The following GXYLT2 variants were observed in gnomAD, a reference collection of about 807,000 sequenced individuals.
The protein encoded by GXYLT2 is glycosyltransferase 8 domain containing 4.
GXYLT2 carries 53 observed loss-of-function variants against 45.8 expected under a neutral mutation model. The observed-to-expected ratio is 1.16, with a 90% CI of 0.93 to 1.46. The LOEUF is 1.46. GXYLT2 is among the 40% of genes most tolerant of loss of function. The pLI, the probability that GXYLT2 is intolerant of heterozygous loss-of-function variation, is 0.00. For synonymous variants in GXYLT2, 219 were observed against 214.2 expected, an observed-to-expected ratio of 1.02 and a Z score of -0.19; for missense variants, 551 against 544.4, an observed-to-expected ratio of 1.01 and a Z score of -0.12.
At position 72,888,527 on chromosome 3, in the gene GXYLT2, A is replaced by G. The variant is rs930470254; in HGVS notation, c.275+19A>G. 20 of 1,206,966 alleles carry G rather than the reference A, an allele frequency of 1.7e-5. No individual in the cohort carries two copies. Among genetic ancestry groups the G allele is most frequent in the Non-Finnish European group, 2.1e-5 (20 of 968,664 alleles). 74.8% of individuals were successfully genotyped at this position (1,206,966 alleles called of 1,614,324 possible). A position where few individuals can be genotyped will look rare whatever the true frequency, so the allele number is the denominator to read the frequency against. Reference sequence around the variant, plus strand: ...TGGCGAGGTGAGTCGTGGCAACCCCAGAATCCCATCTGCGGACCCGTGTCT... The same window carrying G: ...TGGCGAGGTGAGTCGTGGCAACCCCGGAATCCCATCTGCGGACCCGTGTCT... On this transcript the variant is annotated intron_variant, in intron 1 of 6. Transcript: ENST00000389617.
intron 5 of GXYLT2, among the ~76,000 whole-genome samples, chr3:72,964,573 G>A (rs1710828748): frequency 1.3e-5 from 2 of 152,096 alleles, no homozygotes; most frequent in South Asian, 4.1e-4. Context: ...CGCCCGCCTT[G>A]GCCTCCCAAA....
intron 3 of GXYLT2, among the ~76,000 whole-genome samples, chr3:72,942,112 T>C (rs1710314232): frequency 6.6e-6 from 1 of 151,772 alleles, no homozygotes; most frequent in Non-Finnish European, 1.5e-5. Context: ...AAGGAGGGGG[T>C]TCATATTGGA....
chr3:72,936,388 T>C (rs1710178818), intron 3 of GXYLT2, among the ~76,000 whole-genome samples: 1 of 151,648 alleles, frequency 6.6e-6, no homozygotes, highest in African/African-American at 2.4e-5. Context: ...GCACAGTGGC[T>C]CATGCCTATA....
intron 1 of GXYLT2, among the ~76,000 whole-genome samples, chr3:72,901,980 G>A (rs887502675): frequency 1.5e-4 from 23 of 152,130 alleles, no homozygotes; most frequent in African/African-American, 5.1e-4. Flanking sequence ...TGTTTTCAAG[G>A]TTCATTTATG....
chr3:72,898,852 C>T (rs913230424), intron 1 of GXYLT2, among the ~76,000 whole-genome samples: 3 of 152,126 alleles, frequency 2.0e-5, no homozygotes, highest in African/African-American at 7.2e-5. Context: ...CTGCCTAAGC[C>T]TCCTGAGGAG....
chr3:72,929,890 G>A (rs999311581), intron 3 of GXYLT2, among the ~76,000 whole-genome samples: 7 of 152,116 alleles, frequency 4.6e-5, no homozygotes, highest in South Asian at 2.1e-4. Flanking sequence ...TTGCAGGCCC[G>A]CTGCAGTGGC....
intron 3 of GXYLT2, chr3:72,927,382 C>T (rs1362826208): frequency 6.6e-6 from 1 of 152,120 alleles, no homozygotes; most frequent in Non-Finnish European, 1.5e-5. Context: ...GTGAAAGCAA[C>T]AATGTATAAT....
chr3:72,924,533 C>T (rs1352939540), intron 3 of GXYLT2, among the ~76,000 whole-genome samples: 1 of 151,978 alleles, frequency 6.6e-6, no homozygotes, highest in Non-Finnish European at 1.5e-5. Context: ...AGTGGGAAGC[C>T]ACTGGATGAT....
At chr3:72,912,406 C>G (rs1709649977) in intron 2 of GXYLT2, among the ~76,000 whole-genome samples, 3 of 152,084 alleles carry the variant, frequency 2.0e-5, no homozygotes, top group African/African-American at 7.2e-5. Context: ...GCCTTGGCCT[C>G]CCAAAGTACT....
At chr3:72,912,018 T>A (rs951015683) in intron 2 of GXYLT2, among the ~76,000 whole-genome samples, 4 of 142,874 alleles carry the variant, frequency 2.8e-5, no homozygotes, top group Admixed American at 1.4e-4. Context: ...TATATATTTT[T>A]TTTTTTTTTT....
chr3:72,929,103 T>C, intron 3 of GXYLT2: 2 of 1,591,854 alleles, frequency 1.3e-6, no homozygotes, highest in South Asian at 1.1e-5. Context: ...GAGGCCGTCA[T>C]CAACCGCTAG....
At chr3:72,923,667 T>C (rs1709870545) in intron 3 of GXYLT2, among the ~76,000 whole-genome samples, 1 of 152,302 alleles carries the variant, frequency 6.6e-6, no homozygotes, top group South Asian at 2.1e-4. Flanking sequence ...CCTTGAAGCT[T>C]GAGTCTAGTA....
At chr3:72,929,522 G>C in intron 3 of GXYLT2, 1 of 1,259,408 alleles carries the variant, frequency 7.9e-7, no homozygotes, top group Non-Finnish European at 1.1e-6. Flanking sequence ...TGTGCAAGAT[G>C]GGAGCACCCG....
At chr3:72,963,234 G>T (rs908545872) in intron 5 of GXYLT2, among the ~76,000 whole-genome samples, 17 of 152,174 alleles carry the variant, frequency 1.1e-4, no homozygotes, top group African/African-American at 4.1e-4. Context: ...GCATAAACTA[G>T]TTCATAATCT....
At chr3:72,906,036 T>C (rs1054620875) in intron 1 of GXYLT2, among the ~76,000 whole-genome samples, 7 of 152,194 alleles carry the variant, frequency 4.6e-5, no homozygotes, top group African/African-American at 1.7e-4. Flanking sequence ...CATATGCATA[T>C]CCCTAAATAT....
intron 3 of GXYLT2, among the ~76,000 whole-genome samples, chr3:72,924,322 T>C (rs1055791734): frequency 1.3e-5 from 2 of 151,770 alleles, no homozygotes; most frequent in Non-Finnish European, 2.9e-5. Context: ...GCCTCACAAG[T>C]AGCTGGGACT....
At chr3:72,934,258 T>TG (rs1710135697) in intron 3 of GXYLT2, among the ~76,000 whole-genome samples, 1 of 151,750 alleles carries the variant, frequency 6.6e-6, no homozygotes, top group African/African-American at 2.4e-5. Flanking sequence ...CTAATTTTTG[T>TG]ATTTTTTTGT....
chr3:72,899,010 C>T (rs1310351285), intron 1 of GXYLT2, among the ~76,000 whole-genome samples: 4 of 151,512 alleles, frequency 2.6e-5, no homozygotes, highest in Admixed American at 6.6e-5. Context: ...GGATTACAGA[C>T]GTGAGCCACC....
chr3:72,930,094 A>C (rs1709999083), intron 3 of GXYLT2, among the ~76,000 whole-genome samples: 1 of 151,832 alleles, frequency 6.6e-6, no homozygotes, highest in Admixed American at 6.6e-5. Flanking sequence ...TGAACCCAGG[A>C]AGCAGAGGGT....
Sources: allele counts gnomAD v4.1 joint callset (sites outside exome capture counted in the v4.1 genomes callset), GRCh38; gene constraint gnomAD v4.1.1; transcripts MANE v1.5; gene names NCBI Gene and HGNC (gene_info 2026-07-23, HGNC 2026-07-21).